The following ULK4 variants were observed in gnomAD, a reference collection of about 807,000 sequenced individuals.
ULK4 encodes unc-51 like kinase 4, also known as inactive serine/threonine-protein kinase ULK4.
ULK4 carries 133 observed loss-of-function variants against 160.6 expected under a neutral mutation model. That is an observed-to-expected ratio of 0.83 (90% CI 0.72 to 0.96). ULK4 has a LOEUF of 0.96. Ranked by LOEUF, ULK4 falls within the 40% of genes least tolerant of loss-of-function variation. ULK4 has a pLI of 0.00. For missense variants in ULK4, 1,580 were observed against 1,499.5 expected (o/e 1.05, Z -0.89); for synonymous variants, 534 against 539.8 (o/e 0.99, Z 0.15).
chr3:41,287,579 G>T (rs2079486087), intron 35 of ULK4, among the ~76,000 whole-genome samples: 1 of 152,188 alleles, frequency 6.6e-6, no homozygotes, highest in Admixed American at 6.5e-5. Context: ...AGGACACAGA[G>T]TTATGACTGA....
At position 41,398,718 on chromosome 3, in the gene ULK4, T is replaced by C. The variant is rs534013761; in HGVS notation, c.3493-454A>G. Among the ~76,000 whole-genome samples, 17 of 152,130 alleles carry C rather than the reference T, an allele frequency of 1.1e-4. No homozygotes were observed. In the East Asian group the frequency reaches 3.3e-3, roughly 29 times the overall value. Reference sequence around the variant, plus strand: ...AAATACTTTTTTAAATGCATCTTTTTCAAAGTGTATGTAGTTGCTCAAACA... The same window carrying C: ...AAATACTTTTTTAAATGCATCTTTTCCAAAGTGTATGTAGTTGCTCAAACA... On this transcript the variant is annotated intron_variant, in intron 34 of 36. Transcript: ENST00000301831.
rs1193583233 is a variant in ULK4 at position 41,696,448 on chromosome 3, C to T, written c.2781+8609G>A. 3.3e-5 allele frequency among the ~76,000 whole-genome samples: 5 copies of T among 152,196 alleles called. No individual in the cohort carries two copies. The East Asian group carries it at 9.6e-4, about 29-fold the overall frequency. ...GGACACGTGACCCACGTGACCTTAC[C>T]TATCATTGGAAATGACTCACACTCT... On this transcript the variant is annotated intron_variant, in intron 27 of 36. Transcript: ENST00000301831.
At chr3:41,305,185 G>GCGCTCC (rs2079880686) in intron 35 of ULK4, among the ~76,000 whole-genome samples, 1 of 146,824 alleles carries the variant, frequency 6.8e-6, no homozygotes, top group Non-Finnish European at 1.5e-5. Flanking sequence ...CTGGAATAGG[G>GCGCTCC]CTCTCCCTCT....
chr3:41,427,449 C>T (rs953093966), intron 34 of ULK4, among the ~76,000 whole-genome samples: 9 of 152,142 alleles, frequency 5.9e-5, no homozygotes, highest in Admixed American at 4.6e-4. Flanking sequence ...ATACCAAAAC[C>T]TGGCAGAGAT....
At chr3:41,696,174 AG>A (rs2036492944) in intron 27 of ULK4, among the ~76,000 whole-genome samples, 2 of 151,270 alleles carry the variant, frequency 1.3e-5, no homozygotes, top group African/African-American at 4.8e-5. Flanking sequence ...GCCTGACATG[AG>A]TCAGGCCCAC....
intron 30 of ULK4, among the ~76,000 whole-genome samples, chr3:41,633,707 T>C (rs1198046140): frequency 2.0e-5 from 3 of 152,012 alleles, no homozygotes; most frequent in East Asian, 1.9e-4. Context: ...CAGGAATCCA[T>C]AGGAAAAAGC....
At chr3:41,388,528 A>T (rs1205867409) in intron 35 of ULK4, among the ~76,000 whole-genome samples, 1 of 152,074 alleles carries the variant, frequency 6.6e-6, no homozygotes, top group African/African-American at 2.4e-5. Flanking sequence ...TAAGTCTTTA[A>T]TCCATCTTGA....
At position 41,859,380 on chromosome 3, in the gene ULK4, G is replaced by A. The variant is rs72864540; in HGVS notation, c.1657-23409C>T. On this transcript the variant is annotated intron_variant, in intron 17 of 36. Coordinates refer to ENST00000301831, the MANE Select transcript of ULK4 (RefSeq NM_017886.4). ...GCCAATGATGCTTCAGATACCAGAC[G>A]GCTTCATTTGTCAACTGTGGTCCAA... The A allele has an allele frequency of 5.0e-3, 2,892 of 574,102 alleles. 60 individuals are homozygous for A. Among genetic ancestry groups the A allele is most frequent in the African/African-American group, 0.049 (2,552 of 52,472 alleles). The allele number at this position is 574,102 out of a possible 1,614,324, so 35.6% of individuals were successfully genotyped here.
chr3:41,359,207 G>A (rs527382493), intron 35 of ULK4, among the ~76,000 whole-genome samples: 2 of 152,340 alleles, frequency 1.3e-5, no homozygotes, highest in African/African-American at 4.8e-5. Context: ...TGAGAAGCCT[G>A]AGGTGCCAAT....
chr3:41,578,367 A>T (rs945259144), intron 31 of ULK4, among the ~76,000 whole-genome samples: 6 of 152,212 alleles, frequency 3.9e-5, no homozygotes, highest in African/African-American at 1.4e-4. Flanking sequence ...AACCGAAGGC[A>T]ATCAGCTTAC....
chr3:41,900,505 G>C (rs1698313043), intron 13 of ULK4, among the ~76,000 whole-genome samples: 4 of 152,166 alleles, frequency 2.6e-5, no homozygotes, highest in Non-Finnish European at 5.9e-5. Context: ...AAAACAGAGG[G>C]GAGAAAACTT....
At chr3:41,802,109 T>A (rs1473297606) in intron 19 of ULK4, among the ~76,000 whole-genome samples, 1 of 152,130 alleles carries the variant, frequency 6.6e-6, no homozygotes, top group African/African-American at 2.4e-5. Context: ...AATGCAAAAG[T>A]TGAGAAAATT....
intron 30 of ULK4, among the ~76,000 whole-genome samples, chr3:41,616,285 A>G (rs552177431): frequency 6.6e-6 from 1 of 152,344 alleles, no homozygotes; most frequent in East Asian, 1.9e-4. Context: ...CAGCCTTGGT[A>G]AAACCTAAAT....
chr3:41,790,996 C>G (rs1278137364), intron 20 of ULK4, among the ~76,000 whole-genome samples: 1 of 151,694 alleles, frequency 6.6e-6, no homozygotes, highest in African/African-American at 2.4e-5. Context: ...ACCTTAATAA[C>G]AAAAAGATCA....
intron 32 of ULK4, among the ~76,000 whole-genome samples, chr3:41,538,075 C>T (rs1299214742): frequency 6.6e-6 from 1 of 152,164 alleles, no homozygotes; most frequent in Non-Finnish European, 1.5e-5. Context: ...GTTACATTGA[C>T]ATTTTCAAAG....
intron 32 of ULK4, among the ~76,000 whole-genome samples, chr3:41,543,681 C>G (rs1215097355): frequency 1.3e-5 from 2 of 152,100 alleles, no homozygotes; most frequent in African/African-American, 4.8e-5. Flanking sequence ...TCTAAGTTAT[C>G]TAATTTATTG....
chr3:41,596,426 G>C (rs1414396579), intron 31 of ULK4, among the ~76,000 whole-genome samples: 1 of 152,306 alleles, frequency 6.6e-6, no homozygotes, highest in East Asian at 1.9e-4. Context: ...GTAAGATACA[G>C]GGAAGGGGTC....
chr3:41,905,020 A>G (rs1386994018), intron 12 of ULK4, among the ~76,000 whole-genome samples: 2 of 152,214 alleles, frequency 1.3e-5, no homozygotes, highest in African/African-American at 4.8e-5. Flanking sequence ...TGGAAATGCA[A>G]GTGACCCAGA....
At chr3:41,814,793 C>G (rs1391149046) in intron 19 of ULK4, among the ~76,000 whole-genome samples, 1 of 152,042 alleles carries the variant, frequency 6.6e-6, no homozygotes, top group Admixed American at 6.6e-5. Flanking sequence ...ATATAGCTAA[C>G]CACACTTCTT....
Sources: allele counts gnomAD v4.1 joint callset (sites outside exome capture counted in the v4.1 genomes callset), GRCh38; gene constraint gnomAD v4.1.1; transcripts MANE v1.5; gene names NCBI Gene and HGNC (gene_info 2026-07-23, HGNC 2026-07-21).